TTC19: variants seen among roughly 807,000 people sequenced by gnomAD.
TTC19 encodes the protein tetratricopeptide repeat domain 19.
TTC19 carries 38 observed loss-of-function variants against 49.5 expected under a neutral mutation model. That is an observed-to-expected ratio of 0.77 (90% CI 0.59 to 1.01). The LOEUF is 1.01. TTC19 is among the 50% of genes least tolerant of loss of function. The probability of loss-of-function intolerance (pLI) is 0.00; values close to 1 mark genes in which losing one functional copy is unlikely to be tolerated. For missense variants in TTC19, 475 were observed against 477.7 expected, an observed-to-expected ratio of 0.99 and a Z score of 0.05; for synonymous variants, 204 against 185.2, an observed-to-expected ratio of 1.10 and a Z score of -0.83.
intron 2 of TTC19, among the ~76,000 whole-genome samples, chr17:16,043,783 CAA>C (rs1451986588): frequency 3.9e-5 from 6 of 152,164 alleles, no homozygotes; most frequent in South Asian, 2.1e-4. Context: ...AAATTGAAAA[CAA>C]GAGTATATTT....
At chr17:16,029,566 C>G (rs1481011596), downstream of TTC19, 1 of 202,390 alleles carries the variant, frequency 4.9e-6, no homozygotes, top group African/African-American at 2.4e-5. Context: ...TAATTTAGTT[C>G]TGGGTGCTAA....
chr17:16,032,101 G>C (rs1192036200), downstream of TTC19: 3 of 566,758 alleles, frequency 5.3e-6, no homozygotes, highest in Non-Finnish European at 8.8e-6. Context: ...ATCAAAGGCA[G>C]TTTTTTGTTT....
At chr17:16,044,875 C>A in exon 3 of TTC19, 2 of 760,352 alleles carry the variant, frequency 2.6e-6, no homozygotes, top group Non-Finnish European at 2.3e-6. Flanking sequence ...TCCACTGCTG[C>A]TGCTCCAGCT....
downstream of TTC19, chr17:16,032,516 T>C: frequency 6.5e-7 from 1 of 1,531,172 alleles, no homozygotes; most frequent in African/African-American, 1.4e-5. Context: ...TTCATTGTCA[T>C]GAACATAACT....
At chr17:16,034,724 A>AAAT in intron 2 of TTC19, 2 of 1,520,800 alleles carry the variant, frequency 1.3e-6, no homozygotes, top group Non-Finnish European at 1.8e-6. Flanking sequence ...CATTGATATT[A>AAAT]TTGCTCTGTC....
In TTC19 at chr17:16,004,260, C is replaced by G; in HGVS notation, c.579C>G (p.Asn193Lys). ...TGGCCAGTATCTATGCTGCGCAGAA[C>G]AGGTAAGTACAGCAGCCAGGGAGTA... is the stretch of plus-strand genomic sequence containing the variant. ...LKLASIYAAQ[N>K]RQEFAVAGYE... Residue 193 changes from asparagine (N) to lysine (K), a missense_variant and splice_region_variant, in exon 6 of 10, where the codon AAC (asparagine) becomes AAG (lysine). Asn to Lys is a moderately conservative substitution (Grantham distance 94, BLOSUM62 0). Transcript: ENST00000261647. The G allele has an allele frequency of 1.2e-6, 2 of 1,613,930 alleles. No individual in the cohort carries two copies. Among genetic ancestry groups the G allele is most frequent in the Non-Finnish European group, 1.7e-6 (2 of 1,179,772 alleles).
chr17:16,012,205 T>C (rs1971094340), intron 7 of TTC19, among the ~76,000 whole-genome samples: 1 of 152,132 alleles, frequency 6.6e-6, no homozygotes, highest in African/African-American at 2.4e-5. Context: ...TTTATGAGAA[T>C]TGGCGAGGGA....
chr17:16,007,889 A>AT lies in TTC19; in HGVS notation c.676+1328dup, dbSNP rs1295863103. On this transcript the variant is annotated intron_variant, in intron 7 of 9. Transcript: ENST00000261647. The stretch of plus-strand genomic sequence containing the variant: ...GAGTAGGAGGGATCACTGTACACCA[A>AT]TTTTTTTGTTTTCATCACTCCACTG... Among the ~76,000 whole-genome samples, 15 of 152,136 alleles carry AT rather than the reference A, an allele frequency of 9.9e-5. 1 individual carries two copies. The highest frequency in any genetic ancestry group is 2.2e-4 in the Non-Finnish European group (15 of 68,004).
chr17:16,033,355 A>AAAAAC (rs1972842886), downstream of TTC19, among the ~76,000 whole-genome samples: 1 of 150,716 alleles, frequency 6.6e-6, no homozygotes. Context: ...AAAAAAAAAA[A>AAAAAC]CCCAAAAACA....
At chr17:16,029,709 G>T (rs952965694), downstream of TTC19, 1 of 153,206 alleles carries the variant, frequency 6.5e-6, no homozygotes, top group African/African-American at 2.4e-5. Flanking sequence ...TCATGATAAG[G>T]TGAACCTCCA....
downstream of TTC19, chr17:16,029,689 A>C (rs539494266): frequency 1.3e-5 from 2 of 154,636 alleles, no homozygotes; most frequent in African/African-American, 4.8e-5. Context: ...CTCTGTGCTT[A>C]CCACTTAAAT....
intron 2 of TTC19, chr17:16,041,417 T>TTTTTTTTC (rs2057565621): frequency 1.3e-5 from 2 of 149,054 alleles, no homozygotes; most frequent in Non-Finnish European, 3.0e-5. Context: ...TTTTTTTTTT[T>TTTTTTTTC]TTTTTCCTTT....
At chr17:16,003,966 C>T in intron 5 of TTC19, 79 bp downstream of exon 5, 1 of 1,461,880 alleles carries the variant, frequency 6.8e-7, no homozygotes, top group Non-Finnish European at 9.5e-7. Flanking sequence ...TCCTCCTAGC[C>T]CCACCACATG....
At chr17:16,044,179 A>AAC (rs2058250210) in intron 2 of TTC19, among the ~76,000 whole-genome samples, 1 of 151,726 alleles carries the variant, frequency 6.6e-6, no homozygotes, top group African/African-American at 2.4e-5. Context: ...AAAAAAAAAA[A>AAC]AAAAAAAAAG....
At chr17:16,027,330 C>T in intron 9 of TTC19, 44 bp from the exon 10 acceptor site, 1 of 1,609,708 alleles carries the variant, frequency 6.2e-7, no homozygotes, top group Non-Finnish European at 8.5e-7. Flanking sequence ...ACCTTGAAAA[C>T]ATACACTTTC....
chr17:16,019,032 A>G (rs1402949455), intron 7 of TTC19, among the ~76,000 whole-genome samples: 2 of 152,128 alleles, frequency 1.3e-5, no homozygotes, highest in Non-Finnish European at 2.9e-5. Flanking sequence ...GCACTTGTAT[A>G]TATCAATAAA....
intron 2 of TTC19, among the ~76,000 whole-genome samples, chr17:16,041,885 C>T (rs936913223): frequency 6.6e-6 from 1 of 152,150 alleles, no homozygotes; most frequent in Admixed American, 6.5e-5. Flanking sequence ...TACAGGCGCC[C>T]GCCACTATGC....
At chr17:16,044,429 T>C (rs887149891) in intron 2 of TTC19, 2 of 471,546 alleles carry the variant, frequency 4.2e-6, no homozygotes, top group African/African-American at 2.0e-5. Flanking sequence ...GCCCCCACTT[T>C]CCTTTCTTTT....
chr17:16,026,333 C>G (rs763669461), intron 8 of TTC19, among the ~76,000 whole-genome samples: 5 of 152,058 alleles, frequency 3.3e-5, no homozygotes, highest in Non-Finnish European at 7.4e-5. Flanking sequence ...TGTATTATTT[C>G]CCAAAAGGTC....
Sources: gnomAD v4.1 joint callset for allele counts (sites outside exome capture counted in the v4.1 genomes callset) on GRCh38, gnomAD v4.1.1 for gene constraint, MANE v1.5 for transcripts, NCBI Gene and HGNC (gene_info 2026-07-23, HGNC 2026-07-21) for gene names.